Variants in DYNC1I1 observed in about 807,000 individuals in gnomAD.
DYNC1I1 encodes the protein cytoplasmic dynein 1 intermediate chain 1.
DYNC1I1 carries 43 observed loss-of-function variants against 86.6 expected under a neutral mutation model. That is an observed-to-expected ratio of 0.50 (90% CI 0.39 to 0.64). The LOEUF is 0.64. Ranked by LOEUF, DYNC1I1 falls within the 30% of genes least tolerant of loss-of-function variation. DYNC1I1 has a pLI of 0.00. For synonymous variants in DYNC1I1, 262 were observed against 283.7 expected (o/e 0.92, Z 0.77); for missense variants, 604 against 788.8 (o/e 0.77, Z 2.81).
chr7:95,960,086 A>G (rs986464885), intron 6 of DYNC1I1, among the ~76,000 whole-genome samples: 1 of 152,094 alleles, frequency 6.6e-6, no homozygotes, highest in East Asian at 1.9e-4. Flanking sequence ...TTTTTTGTGA[A>G]ATGAGAAAAT....
rs368505837 is a variant in DYNC1I1, at chr7:96,032,772, A to G, written c.1222A>G (p.Thr408Ala). 11 of 1,612,424 alleles carry G rather than the reference A, an allele frequency of 6.8e-6. No homozygotes were observed. The highest frequency in any genetic ancestry group is 6.6e-5 in the South Asian group (6 of 91,002). Residue 408 changes from threonine (T) to alanine (A), a missense_variant, in exon 12 of 17, where the codon ACT (threonine) becomes GCT (alanine). Coordinates refer to ENST00000447467, the MANE Select transcript of DYNC1I1 (RefSeq NM_001135556.2). ...TTCCTGGAGCCTGGACATGCTCTCA[A>G]CTCCACAGGTGGGTTTGTTTTTCCC... ...MCSWSLDMLSTPQESMELVYN... is the reference protein window; with the variant it reads ...MCSWSLDMLSAPQESMELVYN...
chr7:95,955,388 T>A (rs1792683974), intron 6 of DYNC1I1, among the ~76,000 whole-genome samples: 1 of 152,156 alleles, frequency 6.6e-6, no homozygotes, highest in African/African-American at 2.4e-5. Context: ...AAAAATGCAG[T>A]CGTAGCTCGC....
At chr7:96,055,322 T>A (rs1789541862) in intron 14 of DYNC1I1, among the ~76,000 whole-genome samples, 1 of 152,166 alleles carries the variant, frequency 6.6e-6, no homozygotes, top group East Asian at 1.9e-4. Flanking sequence ...GATGGGTTGG[T>A]GGGTGCAGCA....
intron 1 of DYNC1I1, among the ~76,000 whole-genome samples, chr7:95,780,058 A>G (rs941322942): frequency 8.5e-5 from 13 of 152,204 alleles, no homozygotes; most frequent in African/African-American, 2.9e-4. Flanking sequence ...TTGGTCTGAC[A>G]CTGTCCGATG....
intron 14 of DYNC1I1, among the ~76,000 whole-genome samples, chr7:96,072,585 A>G (rs536670350): frequency 6.6e-6 from 1 of 152,208 alleles, no homozygotes; most frequent in Admixed American, 6.5e-5. Context: ...AAATAGTATT[A>G]TAAGATTCAT....
chr7:96,036,916 A>G (rs1584268277), intron 13 of DYNC1I1, among the ~76,000 whole-genome samples: 1 of 152,224 alleles, frequency 6.6e-6, no homozygotes, highest in Non-Finnish European at 1.5e-5. Flanking sequence ...AAGGGTCACT[A>G]TGTTCACACT....
intron 5 of DYNC1I1, among the ~76,000 whole-genome samples, chr7:95,847,159 T>G (rs1345870877): frequency 6.6e-6 from 1 of 152,204 alleles, no homozygotes; most frequent in East Asian, 1.9e-4. Flanking sequence ...TTGTTTCCTT[T>G]TCTTCACCCT....
chr7:96,067,906 G>A (rs1286126391), intron 14 of DYNC1I1, among the ~76,000 whole-genome samples: 1 of 152,158 alleles, frequency 6.6e-6, no homozygotes, highest in Non-Finnish European at 1.5e-5. Flanking sequence ...GAGAGAGAAT[G>A]AGAGTAACAA....
intron 6 of DYNC1I1, 98 bp downstream of exon 6, chr7:95,870,096 T>C: frequency 9.6e-7 from 1 of 1,036,552 alleles, no homozygotes; most frequent in Non-Finnish European, 1.4e-6. Context: ...TAAGAGCTCT[T>C]CATGGGATAC....
At chr7:95,979,692 A>G (rs770368148) in intron 7 of DYNC1I1, among the ~76,000 whole-genome samples, 39 of 152,336 alleles carry the variant, frequency 2.6e-4, no homozygotes, top group South Asian at 6.2e-4. Flanking sequence ...TTACTGTGCT[A>G]GGTCTCAGAC....
At chr7:95,834,957 G>T (rs1433574161) in intron 5 of DYNC1I1, among the ~76,000 whole-genome samples, 3 of 149,216 alleles carry the variant, frequency 2.0e-5, no homozygotes, top group African/African-American at 7.4e-5. Context: ...AGGGTTTTTT[G>T]TGTCTCTATT....
At chr7:95,809,036 G>A (rs1365007833) in intron 2 of DYNC1I1, among the ~76,000 whole-genome samples, 2 of 152,090 alleles carry the variant, frequency 1.3e-5, no homozygotes, top group Non-Finnish European at 2.9e-5. Context: ...AGATTAAACT[G>A]CCATTTCATA....
At chr7:95,787,992 T>C (rs1794193668) in intron 1 of DYNC1I1, among the ~76,000 whole-genome samples, 1 of 152,098 alleles carries the variant, frequency 6.6e-6, no homozygotes, top group African/African-American at 2.4e-5. Flanking sequence ...CTGATGTGTT[T>C]GAGGAACAGT....
exon 17 of DYNC1I1, chr7:96,110,046 C>T (rs1791289251): frequency 2.3e-6 from 1 of 434,276 alleles, no homozygotes; most frequent in African/African-American, 2.1e-5. Context: ...TGTTGGCCTC[C>T]CAAAGTGCTG....
chr7:96,028,820 T>C (rs1002543692), intron 11 of DYNC1I1, among the ~76,000 whole-genome samples: 1 of 152,142 alleles, frequency 6.6e-6, no homozygotes, highest in African/African-American at 2.4e-5. Context: ...GACAATATAA[T>C]CCCTGGGGTT....
At chr7:96,106,336 G>A in intron 16 of DYNC1I1, among the ~76,000 whole-genome samples, 1 of 151,956 alleles carries the variant, frequency 6.6e-6, no homozygotes, top group East Asian at 1.9e-4. Context: ...AGTTTTGAGA[G>A]CAACCTGACC....
At chr7:95,930,817 A>G (rs1000972083) in intron 6 of DYNC1I1, among the ~76,000 whole-genome samples, 1 of 152,172 alleles carries the variant, frequency 6.6e-6, no homozygotes, top group Non-Finnish European at 1.5e-5. Context: ...GAAACATAAC[A>G]GGGTAGCTTG....
At chr7:95,899,846 G>A (rs536225251) in intron 6 of DYNC1I1, among the ~76,000 whole-genome samples, 3 of 152,192 alleles carry the variant, frequency 2.0e-5, no homozygotes, top group South Asian at 4.1e-4. Context: ...TATTCTCCAG[G>A]AACTTCTACC....
chr7:96,075,908 C>T (rs1790321687), intron 14 of DYNC1I1, 149 bp from the exon 15 acceptor site: 4 of 1,105,738 alleles, frequency 3.6e-6, no homozygotes, highest in Admixed American at 2.4e-5. Context: ...GTTCTAGTCA[C>T]ATTAAAGCTC....
Sources: gnomAD v4.1 joint callset for allele counts (sites outside exome capture counted in the v4.1 genomes callset) on GRCh38, gnomAD v4.1.1 for gene constraint, MANE v1.5 for transcripts, NCBI Gene and HGNC (gene_info 2026-07-23, HGNC 2026-07-21) for gene names.